RBFOX1: variants seen among roughly 807,000 people sequenced by gnomAD.
RBFOX1 encodes RNA binding protein fox-1 homolog 1.
Under a neutral mutation model 57.7 loss-of-function variants are expected in RBFOX1, and 8 were observed. That is an observed-to-expected ratio of 0.14 (90% confidence interval 0.08 to 0.25). The LOEUF (loss-of-function observed/expected upper bound fraction) is 0.25. RBFOX1 is among the 10% of genes least tolerant of loss of function. The probability of loss-of-function intolerance (pLI) is 1.00; values close to 1 mark genes in which losing one functional copy is unlikely to be tolerated. For missense variants in RBFOX1, 611 were observed against 548.5 expected, an observed-to-expected ratio of 1.11 and a Z score of -1.14; for synonymous variants, 326 against 222.4, an observed-to-expected ratio of 1.47 and a Z score of -4.15.
At chr16:7,188,390 C>G (rs954098985) in intron 4 of RBFOX1, among the ~76,000 whole-genome samples, 5 of 152,160 alleles carry the variant, frequency 3.3e-5, no homozygotes, top group African/African-American at 1.2e-4. Context: ...TTATGAAAAA[C>G]CTAGAGTTAA....
At chr16:5,874,577 G>A (rs755425346) in intron 4 of RBFOX1, among the ~76,000 whole-genome samples, 2 of 152,108 alleles carry the variant, frequency 1.3e-5, no homozygotes, top group Non-Finnish European at 2.9e-5. Flanking sequence ...GGAGAAGGAA[G>A]ATAAATTGAA....
chr16:7,574,492 T>A (rs577143248), intron 5 of RBFOX1, among the ~76,000 whole-genome samples: 4 of 152,130 alleles, frequency 2.6e-5, no homozygotes, highest in Non-Finnish European at 5.9e-5. Context: ...CTTCAGTCTG[T>A]GGTCGAAGGT....
rs1053885443 is a variant in RBFOX1 at position 7,182,696 on chromosome 16, G to A, written c.27+130598G>A. The stretch of plus-strand genomic sequence containing the variant: ...AGGAAGTACGATGAAGCAAAGACCA[G>A]GAAAGGGATCAGCACCCTGGACAGC... On this transcript the variant is annotated intron_variant, in intron 4 of 15. Coordinates refer to ENST00000550418, the MANE Select transcript of RBFOX1 (RefSeq NM_018723.4). 5.9e-5 allele frequency among the ~76,000 whole-genome samples: 9 copies of A among 152,098 alleles called. No homozygotes were observed. The East Asian group carries it at 1.7e-3, about 29-fold the overall frequency.
At chr16:7,111,286 C>A (rs907701059) in intron 4 of RBFOX1, among the ~76,000 whole-genome samples, 5 of 152,216 alleles carry the variant, frequency 3.3e-5, no homozygotes, top group African/African-American at 1.2e-4. Context: ...CTTTGCTTTT[C>A]TTCCTAGCTA....
intron 3 of RBFOX1, among the ~76,000 whole-genome samples, chr16:6,791,803 C>T (rs543810250): frequency 6.6e-6 from 1 of 152,084 alleles, no homozygotes; most frequent in African/African-American, 2.4e-5. Context: ...TGAGTGGCAT[C>T]CCTGTGTGTA....
chr16:5,433,644 C>G (rs531225538), intron 1 of RBFOX1, among the ~76,000 whole-genome samples: 9 of 152,112 alleles, frequency 5.9e-5, no homozygotes, highest in Admixed American at 1.3e-4. Flanking sequence ...TTTATTGCAC[C>G]CTTTCTTTGT....
rs9928707 is a variant in RBFOX1 at position 5,254,881 on chromosome 16, G to C, written c.219+14776G>C. 1.2e-3 allele frequency among the ~76,000 whole-genome samples: 183 copies of C among 152,298 alleles called. 1 individual carries two copies. The highest frequency in any genetic ancestry group is 4.2e-3 in the African/African-American group (176 of 41,564). The stretch of plus-strand genomic sequence containing the variant: ...AGGTCATGTGTAGGTGGAGCGAAGA[G>C]GGTGAGCCTTTTGGGGTGAACTGCA... On this transcript the variant is annotated intron_variant, in intron 1 of 2. Coordinates refer to the RBFOX1 transcript ENST00000585867.
intron 3 of RBFOX1, among the ~76,000 whole-genome samples, chr16:6,682,600 G>A (rs922336559): frequency 1.3e-4 from 20 of 152,054 alleles, no homozygotes; most frequent in Admixed American, 1.1e-3. Flanking sequence ...CTGAGCAGCA[G>A]TTCTGGCCTC....
chr16:7,569,602 G>C (rs189576529), intron 5 of RBFOX1, among the ~76,000 whole-genome samples: 4 of 152,288 alleles, frequency 2.6e-5, no homozygotes, highest in Admixed American at 2.6e-4. Context: ...GCCATGTAAA[G>C]TATCCTATTC....
chr16:7,617,090 C>G (rs1472342582), intron 10 of RBFOX1, among the ~76,000 whole-genome samples: 1 of 151,928 alleles, frequency 6.6e-6, no homozygotes, highest in Non-Finnish European at 1.5e-5. Flanking sequence ...CACTGGGTAG[C>G]TTGACTGTAA....
At chr16:6,722,985 C>T (rs1462979295) in intron 3 of RBFOX1, among the ~76,000 whole-genome samples, 1 of 152,130 alleles carries the variant, frequency 6.6e-6, no homozygotes, top group Non-Finnish European at 1.5e-5. Flanking sequence ...GTATTTGACA[C>T]TTTATCAGTC....
At chr16:6,337,105 A>G (rs2083874246) in intron 2 of RBFOX1, among the ~76,000 whole-genome samples, 1 of 152,162 alleles carries the variant, frequency 6.6e-6, no homozygotes, top group Non-Finnish European at 1.5e-5. Flanking sequence ...GTTTATTTCC[A>G]TGGAGGGAGT....
At chr16:5,716,963 A>G (rs1387701899) in intron 3 of RBFOX1, among the ~76,000 whole-genome samples, 2 of 152,142 alleles carry the variant, frequency 1.3e-5, no homozygotes, top group Admixed American at 1.3e-4. Flanking sequence ...TTCCCTTGAC[A>G]GGATAATGAG....
chr16:6,621,090 A>T (rs1601759077), intron 2 of RBFOX1, among the ~76,000 whole-genome samples: 1 of 152,114 alleles, frequency 6.6e-6, no homozygotes. Context: ...CATCATTTCA[A>T]TCTCTGCCTC....
At chr16:6,592,533 G>T (rs17140664) in intron 2 of RBFOX1, among the ~76,000 whole-genome samples, 4 of 152,296 alleles carry the variant, frequency 2.6e-5, no homozygotes, top group African/African-American at 7.2e-5. Flanking sequence ...TAGTGAATAA[G>T]GTGAGAGACT....
At chr16:5,713,273 G>A (rs938569717) in intron 3 of RBFOX1, among the ~76,000 whole-genome samples, 3 of 152,214 alleles carry the variant, frequency 2.0e-5, no homozygotes, top group Non-Finnish European at 2.9e-5. Flanking sequence ...ATTCATCCTC[G>A]GTAACCTTTG....
chr16:6,698,998 T>G (rs1340436525), intron 3 of RBFOX1, among the ~76,000 whole-genome samples: 1 of 152,202 alleles, frequency 6.6e-6, no homozygotes, highest in South Asian at 2.1e-4. Flanking sequence ...CTAGAGAATG[T>G]GGCGTTGTTC....
chr16:5,850,361 T>C (rs2151863134), intron 3 of RBFOX1, among the ~76,000 whole-genome samples: 1 of 152,324 alleles, frequency 6.6e-6, no homozygotes, highest in South Asian at 2.1e-4. Flanking sequence ...TAAGAACATA[T>C]GTGTGCAGAC....
chr16:6,663,555 G>C (rs773937945), intron 3 of RBFOX1, among the ~76,000 whole-genome samples: 10 of 152,160 alleles, frequency 6.6e-5, no homozygotes, highest in Non-Finnish European at 1.5e-4. Flanking sequence ...TATTCATGAA[G>C]GAGTTTCCCT....
Sources: gnomAD v4.1 joint callset for allele counts (sites outside exome capture counted in the v4.1 genomes callset) on GRCh38, gnomAD v4.1.1 for gene constraint, MANE v1.5 for transcripts, NCBI Gene and HGNC (gene_info 2026-07-23, HGNC 2026-07-21) for gene names.